PLEKHA3: variants seen among roughly 807,000 people sequenced by gnomAD.
The protein encoded by PLEKHA3 is pleckstrin homology domain containing A3.
A neutral mutation model predicts 39.2 loss-of-function variants in PLEKHA3; 19 were observed. The ratio of observed to expected loss-of-function variants is 0.48; its 90% CI spans 0.34 to 0.71. PLEKHA3 has a LOEUF of 0.71. Among genes scored for constraint, PLEKHA3 ranks in the 30% least tolerant of loss-of-function variants. The pLI, the probability that PLEKHA3 is intolerant of heterozygous loss-of-function variation, is 0.01. For missense variants in PLEKHA3, 253 were observed against 359.5 expected (o/e 0.70, Z 2.40); for synonymous variants, 97 against 118.6 (o/e 0.82, Z 1.18).
In PLEKHA3 at chr2:178,512,694, G is replaced by A. The variant is rs541329717; in HGVS notation, c.*8807G>A. On this transcript the variant is annotated 3_prime_UTR_variant, in exon 8 of 8. Coordinates refer to ENST00000234453, the MANE Select transcript of PLEKHA3 (RefSeq NM_019091.4). ...AAGCATTTTATGAGTGAACAATGGT[G>A]AGTCATGTAATGAAAGGAGATGTTC... 1.8e-3 allele frequency: 280 copies of A among 153,896 alleles called. No individual in the cohort carries two copies. The highest frequency in any genetic ancestry group is 6.8e-3 in the Middle Eastern group (2 of 294). The allele number at this position is 153,896 out of a possible 1,614,324, so 9.5% of individuals were successfully genotyped here.
chr2:178,480,821 C>A lies in PLEKHA3; in HGVS notation c.-49C>A, dbSNP rs199646679. The A allele has an allele frequency of 7.6e-7, 1 of 1,312,944 alleles. No homozygotes were observed. The highest frequency in any genetic ancestry group is 3.0e-5 in the South Asian group (1 of 33,340). The allele number at this position is 1,312,944 out of a possible 1,614,324, so 81.3% of individuals were successfully genotyped here. A position where few individuals can be genotyped will look rare whatever the true frequency, so the allele number is the denominator to read the frequency against. On this transcript the variant is annotated 5_prime_UTR_variant, in exon 1 of 8. Coordinates refer to ENST00000234453, the MANE Select transcript of PLEKHA3 (RefSeq NM_019091.4). ...CCCAGGCCCTGCGCCTACCCCATCA[C>A]CGCGGCCGGCGCCGGGCCGGGAGGA...
chr2:178,503,918 A>G lies in PLEKHA3; in HGVS notation c.*31A>G, dbSNP rs887014098. ...CTGAAGTGTCCAACTTCCTCTAAGTATTGCTATGCAAAAGCTGCTGTAATT... is the reference window on the plus strand; with the variant it reads ...CTGAAGTGTCCAACTTCCTCTAAGTGTTGCTATGCAAAAGCTGCTGTAATT... On this transcript the variant is annotated 3_prime_UTR_variant, in exon 8 of 8. Transcript: ENST00000234453. 3.0e-5 allele frequency: 48 copies of G among 1,607,980 alleles called. No individual in the cohort carries two copies. Among genetic ancestry groups the G allele is most frequent in the Non-Finnish European group, 4.0e-5 (47 of 1,175,862 alleles).
In PLEKHA3 at chr2:178,507,238, A is replaced by T. The variant is rs1156913519; in HGVS notation, c.*3351A>T. 6.6e-6 allele frequency: 1 copy of T among 152,126 alleles called. No individual in the cohort carries two copies. The highest frequency in any genetic ancestry group is 2.4e-5 in the African/African-American group (1 of 41,424). 9.4% of individuals were successfully genotyped at this position (152,126 alleles called of 1,614,324 possible). Reference sequence around the variant, plus strand: ...ACTTTACTTAAACTCTCCACCTCCCACATTTTTCTTCCCCCACCCCTCCCA... The same window carrying T: ...ACTTTACTTAAACTCTCCACCTCCCTCATTTTTCTTCCCCCACCCCTCCCA... On this transcript the variant is annotated 3_prime_UTR_variant, in exon 8 of 8. Coordinates refer to ENST00000234453, the MANE Select transcript of PLEKHA3 (RefSeq NM_019091.4).
At chr2:178,497,709 G>A (rs1685469847) in intron 5 of PLEKHA3, among the ~76,000 whole-genome samples, 1 of 152,068 alleles carries the variant, frequency 6.6e-6, no homozygotes, top group Non-Finnish European at 1.5e-5. Flanking sequence ...TGTTCCTGAG[G>A]TTGATAGACA....
intron 7 of PLEKHA3, chr2:178,502,387 A>G: frequency 2.3e-6 from 1 of 428,354 alleles, no homozygotes; most frequent in African/African-American, 2.2e-5. Context: ...GGGAGAAAGA[A>G]ACTTTCTTGG....
Position 178,480,559 on chromosome 2 carries a change from G to A in PLEKHA3, c.-311G>A, listed in dbSNP as rs1685138701. On this transcript the variant is annotated 5_prime_UTR_variant, in exon 1 of 8. Transcript: ENST00000234453. ...AGGCAGCGCCGGGGCGCCGGAGGGA[G>A]CAGCCGGGCTGCGGAAGCGCGAGCA... 1 of 234,230 alleles carries A rather than the reference G, an allele frequency of 4.3e-6. No individual in the cohort carries two copies. Among genetic ancestry groups the A allele is most frequent in the East Asian group, 8.2e-5 (1 of 12,130 alleles). 14.5% of individuals were successfully genotyped at this position (234,230 alleles called of 1,614,324 possible). A position where few individuals can be genotyped will look rare whatever the true frequency, so the allele number is the denominator to read the frequency against.
rs1279426320 is a variant in PLEKHA3 at position 178,513,322 on chromosome 2, A to G, written c.*9435A>G. ...ATCCTGGCCCCAGTGGCACATTTTT[A>G]TGATGCATCTGGTACTAAAGAAGGA... On this transcript the variant is annotated 3_prime_UTR_variant, in exon 8 of 8. Coordinates refer to ENST00000234453, the MANE Select transcript of PLEKHA3 (RefSeq NM_019091.4). The G allele has an allele frequency of 1.3e-5, 2 of 152,134 alleles. No individual in the cohort carries two copies. Among genetic ancestry groups the G allele is most frequent in the Non-Finnish European group, 1.5e-5 (1 of 68,038 alleles). 9.4% of individuals were successfully genotyped at this position (152,134 alleles called of 1,614,324 possible).
At chr2:178,495,749 A>T (rs1306893486) in intron 5 of PLEKHA3, 89 bp downstream of exon 5, 1 of 1,407,952 alleles carries the variant, frequency 7.1e-7, no homozygotes, top group Non-Finnish European at 9.7e-7. Flanking sequence ...TAAGGGTGGA[A>T]GCAGGCAGTT....
rs1685332703 is a variant in PLEKHA3 at position 178,490,892 on chromosome 2, C to T, written c.313+78C>T. 4 of 1,078,878 alleles carry T rather than the reference C, an allele frequency of 3.7e-6. No individual in the cohort carries two copies. In the South Asian group the frequency reaches 7.8e-5, roughly 21 times the overall value. 66.8% of individuals were successfully genotyped at this position (1,078,878 alleles called of 1,614,324 possible). The stretch of plus-strand genomic sequence containing the variant: ...AAATGTAACTAAATTAGCCTGTCCA[C>T]TTTTAGTATCTATCCCAAGGAAATA... On this transcript the variant is annotated intron_variant, in intron 3 of 7. Coordinates refer to ENST00000234453, the MANE Select transcript of PLEKHA3 (RefSeq NM_019091.4).
chr2:178,488,822 A>G (rs2154127655), intron 2 of PLEKHA3: 1 of 280,570 alleles, frequency 3.6e-6, no homozygotes, highest in Non-Finnish European at 7.4e-6. Flanking sequence ...TATATTCTTG[A>G]TGATATTGAG....
Position 178,514,701 on chromosome 2 carries a change from A to C in PLEKHA3, c.*10814A>C, listed in dbSNP as rs1315045114. 8.6e-5 allele frequency: 13 copies of C among 150,360 alleles called. No individual in the cohort carries two copies. The highest frequency in any genetic ancestry group is 1.8e-4 in the Non-Finnish European group (12 of 67,682). 9.3% of individuals were successfully genotyped at this position (150,360 alleles called of 1,614,324 possible). Reference sequence around the variant, plus strand: ...CTTTTTTTTTTTTTCTCTAAGAAGTACTAGTTTAGGTAAGTGAAATTCAAT... The same window carrying C: ...CTTTTTTTTTTTTTCTCTAAGAAGTCCTAGTTTAGGTAAGTGAAATTCAAT... On this transcript the variant is annotated 3_prime_UTR_variant, in exon 8 of 8. Transcript: ENST00000234453.
At chr2:178,484,982 G>C (rs1041563033) in intron 1 of PLEKHA3, among the ~76,000 whole-genome samples, 19 of 152,224 alleles carry the variant, frequency 1.2e-4, no homozygotes, top group African/African-American at 4.6e-4. Context: ...GGGTCATATG[G>C]GGAATCTGTG....
At chr2:178,502,776 T>G (rs1362106148) in intron 7 of PLEKHA3, among the ~76,000 whole-genome samples, 1 of 151,342 alleles carries the variant, frequency 6.6e-6, no homozygotes, top group Non-Finnish European at 1.5e-5. Flanking sequence ...TGTTATGGAC[T>G]GTAACAAAAC....
chr2:178,481,000 G>T (rs983510770), intron 1 of PLEKHA3, 91 bp downstream of exon 1: 8 of 1,184,336 alleles, frequency 6.8e-6, no homozygotes, highest in Non-Finnish European at 8.8e-6. Flanking sequence ...TCTGGCCTCC[G>T]CGGACCCTCA....
At position 178,509,477 on chromosome 2, in the gene PLEKHA3, A is replaced by C. The variant is rs1040686284; in HGVS notation, c.*5590A>C. The C allele has an allele frequency of 1.4e-5, 2 of 148,004 alleles. No homozygotes were observed. Among genetic ancestry groups the C allele is most frequent in the African/African-American group, 4.9e-5 (2 of 40,508 alleles). 9.2% of individuals were successfully genotyped at this position (148,004 alleles called of 1,614,324 possible). On this transcript the variant is annotated 3_prime_UTR_variant, in exon 8 of 8. Coordinates refer to ENST00000234453, the MANE Select transcript of PLEKHA3 (RefSeq NM_019091.4). ...TATCATTATTATTATTACTACTATC[A>C]GTTTTTTTTTTTTTTTCTGAGACAG...
rs1685646899 is a variant in PLEKHA3, at chr2:178,509,246, G to A, written c.*5359G>A. The A allele has an allele frequency of 6.6e-6, 1 of 152,044 alleles. No individual in the cohort carries two copies. Among genetic ancestry groups the A allele is most frequent in the Non-Finnish European group, 1.5e-5 (1 of 68,022 alleles). The allele number at this position is 152,044 out of a possible 1,614,324, so 9.4% of individuals were successfully genotyped here. ...GTTTGTATGTTTCACTGAAAGTCTA[G>A]ATTTAAATTCTAATAGTGTATAAAA... On this transcript the variant is annotated 3_prime_UTR_variant, in exon 8 of 8. Coordinates refer to ENST00000234453, the MANE Select transcript of PLEKHA3 (RefSeq NM_019091.4).
rs999805801 is a variant in PLEKHA3, at chr2:178,508,788, C to G, written c.*4901C>G. The G allele has an allele frequency of 1.3e-5, 2 of 153,826 alleles. No individual in the cohort carries two copies. The highest frequency in any genetic ancestry group is 1.5e-5 in the Non-Finnish European group (1 of 68,116). The allele number at this position is 153,826 out of a possible 1,614,324, so 9.5% of individuals were successfully genotyped here. A position where few individuals can be genotyped will look rare whatever the true frequency, so the allele number is the denominator to read the frequency against. ...TCTCATGCCCATCCGGCCCCACCCC[C>G]CAAATCCTCCTCTGGCTGCTGACCC... is the stretch of plus-strand genomic sequence containing the variant. On this transcript the variant is annotated 3_prime_UTR_variant, in exon 8 of 8. Transcript: ENST00000234453.
chr2:178,480,947 C>CG (rs771610452), intron 1 of PLEKHA3, 38 bp downstream of exon 1: 8 of 1,304,460 alleles, frequency 6.1e-6, no homozygotes, highest in Admixed American at 3.1e-5. Context: ...AGGGGAGAGG[C>CG]GGGGGGCTGC....
intron 5 of PLEKHA3, among the ~76,000 whole-genome samples, chr2:178,497,213 A>G (rs1685463072): frequency 6.6e-6 from 1 of 150,650 alleles, no homozygotes; most frequent in Admixed American, 6.6e-5. Flanking sequence ...ATAAATATAT[A>G]TATAAATACT....
Sources: allele counts gnomAD v4.1 joint callset (sites outside exome capture counted in the v4.1 genomes callset), GRCh38; gene constraint gnomAD v4.1.1; transcripts MANE v1.5; gene names NCBI Gene and HGNC (gene_info 2026-07-23, HGNC 2026-07-21).